IMMP2L: variants seen among roughly 807,000 people sequenced by gnomAD.
The protein encoded by IMMP2L is inner mitochondrial membrane peptidase subunit 2, also known as mitochondrial inner membrane protease subunit 2.
IMMP2L carries 18 observed loss-of-function variants against 19.3 expected under a neutral mutation model. That is an observed-to-expected ratio of 0.93 (90% CI 0.64 to 1.38). IMMP2L has a LOEUF of 1.38. Among genes scored for constraint, IMMP2L ranks in the 40% most tolerant of loss-of-function variants. The pLI, the probability that IMMP2L is intolerant of heterozygous loss-of-function variation, is 0.00. For synonymous variants in IMMP2L, 76 were observed against 73.0 expected, an observed-to-expected ratio of 1.04 and a Z score of -0.21; for missense variants, 233 against 218.2, an observed-to-expected ratio of 1.07 and a Z score of -0.43.
intron 3 of IMMP2L, among the ~76,000 whole-genome samples, chr7:111,007,359 G>T (rs527556396): frequency 1.3e-5 from 2 of 152,086 alleles, no homozygotes; most frequent in South Asian, 2.1e-4. Context: ...ATTCCACTTT[G>T]GTTTTTGCTC....
chr7:111,166,586 A>G (rs956479466), intron 3 of IMMP2L, among the ~76,000 whole-genome samples: 1 of 151,988 alleles, frequency 6.6e-6, no homozygotes. Flanking sequence ...CACATACTGT[A>G]TTAGTTTCCT....
chr7:111,452,224 G>C (rs1339093990), intron 3 of IMMP2L, among the ~76,000 whole-genome samples: 1 of 152,142 alleles, frequency 6.6e-6, no homozygotes, highest in Non-Finnish European at 1.5e-5. Flanking sequence ...ATCAGGTTTA[G>C]TAAAGCAATT....
chr7:110,999,462 G>A (rs1168657985), intron 3 of IMMP2L, among the ~76,000 whole-genome samples: 2 of 150,514 alleles, frequency 1.3e-5, no homozygotes, highest in East Asian at 3.9e-4. Context: ...TTGTTTTCTA[G>A]TGTTATTGAT....
At chr7:111,189,598 A>C (rs1017661873) in intron 3 of IMMP2L, among the ~76,000 whole-genome samples, 1 of 152,088 alleles carries the variant, frequency 6.6e-6, no homozygotes, top group African/African-American at 2.4e-5. Flanking sequence ...ACATTCTCCT[A>C]AACTCTACAA....
intron 3 of IMMP2L, among the ~76,000 whole-genome samples, chr7:111,081,612 CA>C: frequency 6.6e-6 from 1 of 152,228 alleles, no homozygotes; most frequent in Non-Finnish European, 1.5e-5. Context: ...TGACAGTCAG[CA>C]AAAAGTAAAA....
chr7:111,530,264 T>C (rs138285119), intron 1 of IMMP2L, among the ~76,000 whole-genome samples: 2 of 152,332 alleles, frequency 1.3e-5, no homozygotes, highest in East Asian at 3.9e-4. Flanking sequence ...AGAAAATGAC[T>C]AGATCATCAA....
intron 3 of IMMP2L, among the ~76,000 whole-genome samples, chr7:111,004,776 T>C (rs1282044913): frequency 6.6e-6 from 1 of 152,186 alleles, no homozygotes. Context: ...GGCATGATTT[T>C]TCTGTTACTG....
intron 3 of IMMP2L, among the ~76,000 whole-genome samples, chr7:111,235,972 A>C (rs1814261465): frequency 6.6e-6 from 1 of 152,076 alleles, no homozygotes; most frequent in Non-Finnish European, 1.5e-5. Flanking sequence ...AGATCCATCC[A>C]GCAAATTTTT....
chr7:111,147,400 A>G (rs1803594828), intron 3 of IMMP2L, among the ~76,000 whole-genome samples: 1 of 152,150 alleles, frequency 6.6e-6, no homozygotes, highest in African/African-American at 2.4e-5. Context: ...GTTTCCCTCC[A>G]AAATGAGAGC....
rs34279428 is a variant in IMMP2L at position 110,886,658 on chromosome 7, G to T, written c.343C>A (p.Arg115Ser). The T allele has an allele frequency of 1.2e-6, 2 of 1,607,176 alleles. No individual in the cohort carries two copies. Among genetic ancestry groups the T allele is most frequent in the Non-Finnish European group, 1.7e-6 (2 of 1,174,024 alleles). ...TCACCTTCAACCCAGATGTGACCAC[G>T]GGGGACTTTGACATACCGGTTTTTG... ...GHKNRYVKVP[R>S]GHIWVEGDHH... Residue 115 changes from arginine to serine, a missense_variant, in exon 5 of 6, where the codon CGT (arginine) becomes AGT (serine). Physicochemically the swap from Arg to Ser is moderately radical, Grantham distance 110. Coordinates refer to ENST00000405709, the MANE Select transcript of IMMP2L (RefSeq NM_032549.4).
intron 3 of IMMP2L, among the ~76,000 whole-genome samples, chr7:111,445,066 A>G (rs968519235): frequency 5.9e-5 from 9 of 152,106 alleles, no homozygotes; most frequent in African/African-American, 2.2e-4. Flanking sequence ...CAATTGCTAG[A>G]TCTAAACGTC....
intron 3 of IMMP2L, among the ~76,000 whole-genome samples, chr7:111,093,088 A>G (rs919891426): frequency 1.3e-5 from 2 of 152,238 alleles, no homozygotes; most frequent in Admixed American, 6.5e-5. Context: ...TAAGAAGTCA[A>G]TTAATTCCAG....
At chr7:111,143,945 T>G (rs1261460993) in intron 3 of IMMP2L, among the ~76,000 whole-genome samples, 1 of 152,100 alleles carries the variant, frequency 6.6e-6, no homozygotes, top group South Asian at 2.1e-4. Flanking sequence ...CCCTTATTCA[T>G]TCATTACCCT....
intron 1 of IMMP2L, among the ~76,000 whole-genome samples, chr7:111,537,803 T>C (rs1848030300): frequency 6.6e-6 from 1 of 152,066 alleles, no homozygotes; most frequent in Non-Finnish European, 1.5e-5. Flanking sequence ...AGTGCTGGGA[T>C]TACAGGTACC....
intron 3 of IMMP2L, among the ~76,000 whole-genome samples, chr7:111,419,975 CTA>C (rs200922305): frequency 0.046 from 6,962 of 151,794 alleles, 262 homozygotes; most frequent in South Asian, 0.082. Flanking sequence ...CAGTTTGAGA[CTA>C]TGAAAACATT....
chr7:110,714,141 T>A (rs560434830), intron 5 of IMMP2L, among the ~76,000 whole-genome samples: 1 of 152,210 alleles, frequency 6.6e-6, no homozygotes, highest in Non-Finnish European at 1.5e-5. Flanking sequence ...CATGAAGAGA[T>A]GTTGGATTTT....
intron 3 of IMMP2L, among the ~76,000 whole-genome samples, chr7:111,452,675 G>A (rs1431617672): frequency 2.0e-5 from 3 of 152,024 alleles, no homozygotes; most frequent in Admixed American, 6.6e-5. Flanking sequence ...TCTGTGGGGA[G>A]GTCCAACTTC....
intron 4 of IMMP2L, among the ~76,000 whole-genome samples, chr7:110,944,770 G>A (rs969066557): frequency 5.3e-5 from 8 of 151,860 alleles, no homozygotes; most frequent in Non-Finnish European, 8.8e-5. Flanking sequence ...ATATACAAGT[G>A]TATGGGTGTT....
intron 5 of IMMP2L, among the ~76,000 whole-genome samples, chr7:110,861,124 AG>A (rs1374565292): frequency 4.8e-5 from 7 of 146,446 alleles, no homozygotes; most frequent in African/African-American, 1.7e-4. Context: ...AGAGAGAGAG[AG>A]AGAGACAGAG....
Sources: gnomAD v4.1 joint callset for allele counts (sites outside exome capture counted in the v4.1 genomes callset) on GRCh38, gnomAD v4.1.1 for gene constraint, MANE v1.5 for transcripts, NCBI Gene and HGNC (gene_info 2026-07-23, HGNC 2026-07-21) for gene names.